The following RGP1 variants were observed in gnomAD, a reference collection of about 807,000 sequenced individuals.
RGP1 encodes RAB6A-GEF complex partner protein 2.
In RGP1, 28 loss-of-function variants were observed where a neutral mutation model predicts 44.5. That is an observed-to-expected ratio of 0.63 (90% CI 0.47 to 0.86). The LOEUF (loss-of-function observed/expected upper bound fraction) is 0.86. Among genes scored for constraint, RGP1 ranks in the 40% least tolerant of loss-of-function variants. The pLI is 0.00. For missense variants in RGP1, 417 were observed against 490.7 expected (o/e 0.85, Z 1.42); for synonymous variants, 212 against 196.7 (o/e 1.08, Z -0.65).
the RGP1 span, among the ~76,000 whole-genome samples, chr9:35,781,024 C>A: frequency 6.6e-6 from 1 of 152,136 alleles, no homozygotes; most frequent in Admixed American, 6.5e-5. Flanking sequence ...CGATAAAATT[C>A]CTTCTCATGG....
At chr9:35,784,809 A>G in the RGP1 span, among the ~76,000 whole-genome samples, 1 of 151,938 alleles carries the variant, frequency 6.6e-6, no homozygotes, top group Non-Finnish European at 1.5e-5. Context: ...GGGTCTCACT[A>G]TGTTGCCCAG....
At chr9:35,776,035 C>A in the RGP1 span, among the ~76,000 whole-genome samples, 1 of 152,180 alleles carries the variant, frequency 6.6e-6, no homozygotes, top group Non-Finnish European at 1.5e-5. Flanking sequence ...CAGTAATGCT[C>A]TTTTCTTGTT....
At position 35,750,714 on chromosome 9, in the gene RGP1, A is replaced by C. The variant is rs1168132334; in HGVS notation, c.310A>C (p.Arg104=). The change falls in exon 4 of 9, where the codon AGG becomes CGG. Residue 104 remains arginine (R), a synonymous_variant. Transcript: ENST00000378078. ...ACCGAAAATTCTATTCTGTGACCTG[A>C]GGCTTGATCCTGGAGAGTCCAAATC... The part of the protein sequence containing the change: ...TPPKILFCDL[R]LDPGESKSYS... The C allele has an allele frequency of 6.2e-7, 1 of 1,613,874 alleles. No individual in the cohort carries two copies. Among genetic ancestry groups the C allele is most frequent in the Admixed American group, 1.7e-5 (1 of 60,016 alleles).
chr9:35,763,539 T>C (rs1405537947), downstream of RGP1, among the ~76,000 whole-genome samples: 1 of 152,200 alleles, frequency 6.6e-6, no homozygotes, highest in East Asian at 1.9e-4. Context: ...ATATCTCACA[T>C]GCATGCATTT....
At chr9:35,780,101 G>T in the RGP1 span, among the ~76,000 whole-genome samples, 1 of 152,182 alleles carries the variant, frequency 6.6e-6, no homozygotes, top group Admixed American at 6.5e-5. Flanking sequence ...ACAGTGGTTT[G>T]TGATAACTAC....
chr9:35,754,294 G>T lies in RGP1; in HGVS notation c.*1420G>T. 1.1e-6 allele frequency: 1 copy of T among 878,590 alleles called. No homozygotes were observed. The highest frequency in any genetic ancestry group is 1.6e-6 in the Non-Finnish European group (1 of 607,084). The allele number at this position is 878,590 out of a possible 1,614,324, so 54.4% of individuals were successfully genotyped here. A position where few individuals can be genotyped will look rare whatever the true frequency, so the allele number is the denominator to read the frequency against. On this transcript the variant is annotated 3_prime_UTR_variant, in exon 9 of 9. Coordinates refer to ENST00000378078, the MANE Select transcript of RGP1 (RefSeq NM_001080496.3). ...CTGCCCTCTGCTCTCACAGGCTGGG[G>T]ATGTTTATAAAGTGAGGACCCTGGC...
At position 35,749,587 on chromosome 9, in the gene RGP1, C is replaced by T; in HGVS notation, c.-19-150C>T. ...CAGTACTGAGTCTTCAGTCGCCTCC[C>T]TCCCACCCGCCTACCCCTCCTATAT... is the stretch of plus-strand genomic sequence containing the variant. On this transcript the variant is annotated intron_variant, in intron 1 of 8. Transcript: ENST00000378078. This position sits in a 1 kb window ranked among gnomAD's most constrained non-coding sequence, Gnocchi z 4.4. The T allele has an allele frequency of 4.4e-6, 3 of 682,936 alleles. No individual in the cohort carries two copies. The highest frequency in any genetic ancestry group is 8.1e-6 in the Non-Finnish European group (3 of 370,962). The allele number at this position is 682,936 out of a possible 1,614,324, so 42.3% of individuals were successfully genotyped here. A position where few individuals can be genotyped will look rare whatever the true frequency, so the allele number is the denominator to read the frequency against.
In RGP1 at chr9:35,758,394, C is replaced by G. The variant is rs1827387613; in HGVS notation, c.*5520C>G. 1 of 152,186 alleles carries G rather than the reference C, an allele frequency of 6.6e-6. No individual in the cohort carries two copies. The highest frequency in any genetic ancestry group is 1.5e-5 in the Non-Finnish European group (1 of 68,042). The allele number at this position is 152,186 out of a possible 1,614,324, so 9.4% of individuals were successfully genotyped here. On this transcript the variant is annotated 3_prime_UTR_variant, in exon 9 of 9. Transcript: ENST00000378078. ...TTCTACAACACAGCAATTTATTAGTCTGACTTCTCTTCTAAAATCAACTCT... is the reference window on the plus strand; with the variant it reads ...TTCTACAACACAGCAATTTATTAGTGTGACTTCTCTTCTAAAATCAACTCT...
the RGP1 span, among the ~76,000 whole-genome samples, chr9:35,775,799 T>C: frequency 6.6e-6 from 1 of 152,228 alleles, no homozygotes; most frequent in Non-Finnish European, 1.5e-5. Flanking sequence ...TGCTTTACTC[T>C]TCCAGAATAT....
downstream of RGP1, among the ~76,000 whole-genome samples, chr9:35,759,085 T>G (rs1314863020): frequency 6.6e-6 from 1 of 152,228 alleles, no homozygotes; most frequent in Non-Finnish European, 1.5e-5. Context: ...TTTCCATTAC[T>G]TTTCCTACAA....
the RGP1 span, among the ~76,000 whole-genome samples, chr9:35,771,780 T>C: frequency 6.6e-6 from 1 of 152,258 alleles, no homozygotes; most frequent in Non-Finnish European, 1.5e-5. Context: ...ACTTTGTTCA[T>C]GTAAGTGAGT....
the RGP1 span, among the ~76,000 whole-genome samples, chr9:35,770,368 C>T: frequency 5.3e-5 from 8 of 152,030 alleles, no homozygotes; most frequent in Non-Finnish European, 1.0e-4. Context: ...CTTACAAGAC[C>T]ATCAAGTGAA....
At chr9:35,765,610 T>G in the RGP1 span, among the ~76,000 whole-genome samples, 4 of 150,304 alleles carry the variant, frequency 2.7e-5, no homozygotes. Context: ...TGAGCCATGA[T>G]CTTGCTTCTG....
chr9:35,751,301 G>A lies in RGP1; in HGVS notation c.523G>A (p.Val175Ile), dbSNP rs759960320. ...QDVRFPQDEA[V>I]APSSPFLEED... Reference sequence around the variant, plus strand: ...TGTCCGGTTTCCCCAGGATGAGGCTGTAGCCCCATCCAGTCCATTCTTGGA... The same window carrying A: ...TGTCCGGTTTCCCCAGGATGAGGCTATAGCCCCATCCAGTCCATTCTTGGA... The change falls in exon 6 of 9, where the codon GTA becomes ATA. Residue 175 changes from valine (V) to isoleucine (I), a missense_variant. Val to Ile is a conservative substitution (Grantham distance 29, BLOSUM62 3). Transcript: ENST00000378078. 2.5e-6 allele frequency: 4 copies of A among 1,613,798 alleles called. No individual in the cohort carries two copies. Among genetic ancestry groups the A allele is most frequent in the Non-Finnish European group, 3.4e-6 (4 of 1,179,694 alleles).
At chr9:35,751,810 G>A (rs1458585899) in intron 7 of RGP1, 56 bp downstream of exon 7, 2 of 1,610,728 alleles carry the variant, frequency 1.2e-6, no homozygotes, top group East Asian at 2.2e-5. Context: ...AAGGGCTAGG[G>A]TGGAAGGCCT....
At chr9:35,773,802 C>T in the RGP1 span, among the ~76,000 whole-genome samples, 9 of 151,410 alleles carry the variant, frequency 5.9e-5, no homozygotes, top group Non-Finnish European at 1.3e-4. Context: ...GAGCCCAGCC[C>T]CAGGTTTCTT....
At position 35,749,783 on chromosome 9, in the gene RGP1, C is replaced by A; in HGVS notation, c.28C>A (p.Arg10=). 6.2e-7 allele frequency: 1 copy of A among 1,613,750 alleles called. No homozygotes were observed. The highest frequency in any genetic ancestry group is 8.5e-7 in the Non-Finnish European group (1 of 1,179,726). The change falls in exon 2 of 9, where the codon CGG becomes AGG. Residue 10 remains arginine (R), a synonymous_variant. Transcript: ENST00000378078. The surrounding 1 kb of genome is among the most constrained non-coding windows in gnomAD (Gnocchi z 4.4). MIEVVAELS[R]GPVFLAGEAL... is the part of the protein sequence containing the mutation. ...GATTGAAGTGGTAGCAGAGCTCAGC[C>A]GGGGTCCTGTATTTTTGGCTGGGGA...
chr9:35,780,759 G>T, the RGP1 span, among the ~76,000 whole-genome samples: 1 of 151,964 alleles, frequency 6.6e-6, no homozygotes, highest in Admixed American at 6.6e-5. Context: ...AGGCGTGGTG[G>T]TGTGCATCTG....
In RGP1 at chr9:35,753,695, G is replaced by A. The variant is rs764212556; in HGVS notation, c.*821G>A. On this transcript the variant is annotated 3_prime_UTR_variant, in exon 9 of 9. Transcript: ENST00000378078. This position sits in a 1 kb window ranked among gnomAD's most constrained non-coding sequence, Gnocchi z 4.2. ...AGCCCACGCCAACAGGATGCAGACAGGTGCAATGGAAACAGTCCTTGCGGA... is the reference window on the plus strand; with the variant it reads ...AGCCCACGCCAACAGGATGCAGACAAGTGCAATGGAAACAGTCCTTGCGGA... 6.2e-7 allele frequency: 1 copy of A among 1,614,126 alleles called. No homozygotes were observed. The highest frequency in any genetic ancestry group is 8.5e-7 in the Non-Finnish European group (1 of 1,180,004).
Sources: allele counts gnomAD v4.1 joint callset (sites outside exome capture counted in the v4.1 genomes callset), GRCh38; gene constraint gnomAD v4.1.1; non-coding constraint Gnocchi (gnomAD v3.1); transcripts MANE v1.5; gene names NCBI Gene and HGNC (gene_info 2026-07-23, HGNC 2026-07-21).